KPNA7: variants seen among roughly 807,000 people sequenced by gnomAD.
KPNA7 encodes karyopherin subunit alpha 7.
Under a neutral mutation model 53.7 loss-of-function variants are expected in KPNA7, and 54 were observed. That is an observed-to-expected ratio of 1.01 (90% CI 0.81 to 1.26). KPNA7 has a LOEUF of 1.26. KPNA7 is among the 50% of genes most tolerant of loss of function. KPNA7 has a pLI of 0.00. For missense variants in KPNA7, 640 were observed against 644.5 expected (o/e 0.99, Z 0.07); for synonymous variants, 276 against 259.3 (o/e 1.06, Z -0.62).
chr7:99,163,303 A>G, the KPNA7 span, among the ~76,000 whole-genome samples: 1 of 145,758 alleles, frequency 6.9e-6, no homozygotes. Flanking sequence ...TTAAATTTGT[A>G]ATATATTTAT....
chr7:99,146,243 G>A, the KPNA7 span, among the ~76,000 whole-genome samples: 2 of 151,946 alleles, frequency 1.3e-5, no homozygotes, highest in African/African-American at 2.4e-5. Flanking sequence ...TTTTCTCCCC[G>A]CCCCGACGGC....
At chr7:99,182,632 C>T (rs1303034799) in intron 8 of KPNA7, among the ~76,000 whole-genome samples, 1 of 152,128 alleles carries the variant, frequency 6.6e-6, no homozygotes, top group African/African-American at 2.4e-5. Flanking sequence ...CCCTGCCCGG[C>T]TCCTGCCTCT....
chr7:99,167,993 A>C, the KPNA7 span, among the ~76,000 whole-genome samples: 4,399 of 127,102 alleles, frequency 0.035, no homozygotes, highest in Non-Finnish European at 0.041. Flanking sequence ...CCCCACCCCC[A>C]CACCCCTCTA....
At chr7:99,197,053 A>C (rs1002886141) in intron 3 of KPNA7, among the ~76,000 whole-genome samples, 12 of 149,014 alleles carry the variant, frequency 8.1e-5, no homozygotes, top group African/African-American at 2.5e-4. Flanking sequence ...ACAACAACAA[A>C]ACTAAGACCC....
At chr7:99,149,955 T>C in the KPNA7 span, among the ~76,000 whole-genome samples, 1 of 151,978 alleles carries the variant, frequency 6.6e-6, no homozygotes, top group Non-Finnish European at 1.5e-5. Flanking sequence ...CGTGCCACCA[T>C]GCCCGGCTAA....
the KPNA7 span, among the ~76,000 whole-genome samples, chr7:99,148,719 GTACCTGGGAC>G: frequency 6.6e-6 from 1 of 152,000 alleles, no homozygotes; most frequent in African/African-American, 2.4e-5. Context: ...AGTCTCCCAA[GTACCTGGGAC>G]TACAGGCATG....
intron 6 of KPNA7, among the ~76,000 whole-genome samples, chr7:99,192,810 C>T (rs570091654): frequency 2.8e-4 from 42 of 152,070 alleles, no homozygotes; most frequent in Middle Eastern, 3.4e-3. Flanking sequence ...GAATTTGTTA[C>T]CTAACGAGGT....
the KPNA7 span, among the ~76,000 whole-genome samples, chr7:99,158,095 C>T: frequency 5.3e-5 from 8 of 152,114 alleles, no homozygotes; most frequent in East Asian, 3.9e-4. Flanking sequence ...ATGTTGCCCA[C>T]GCTGGTCTGG....
intron 2 of KPNA7, among the ~76,000 whole-genome samples, chr7:99,204,448 T>C (rs1790695176): frequency 6.6e-6 from 1 of 152,172 alleles, no homozygotes; most frequent in Non-Finnish European, 1.5e-5. Context: ...CTTTATAGTA[T>C]TAAGAATCCT....
chr7:99,154,554 G>A, the KPNA7 span, among the ~76,000 whole-genome samples: 2 of 150,342 alleles, frequency 1.3e-5, no homozygotes, highest in Non-Finnish European at 3.0e-5. Flanking sequence ...TCTCAAGACG[G>A]AGTCTCGCTC....
At chr7:99,181,826 T>C in intron 9 of KPNA7, 57 bp downstream of exon 9, 1 of 1,374,074 alleles carries the variant, frequency 7.3e-7, no homozygotes, top group Non-Finnish European at 9.7e-7. Context: ...CCACATTAAA[T>C]GCTTGTATCC....
At chr7:99,198,041 C>G (rs529819505) in intron 3 of KPNA7, among the ~76,000 whole-genome samples, 37 of 151,972 alleles carry the variant, frequency 2.4e-4, no homozygotes, top group Admixed American at 2.4e-3. Context: ...CTGTTGAAAG[C>G]CAAAACTACA....
rs1790641877 is a variant in KPNA7 at position 99,203,239 on chromosome 7, A to G, written c.68T>C (p.Leu23Pro). ...GACCGCCATCCTCTGCTGTCGCCTC[A>G]GCTAGTGAGGAAAAGAAATTGGAGC... The part of the protein sequence containing the change: ...KFKYRGKDVS[L>P]RRQQRMAVSL... The change falls in exon 3 of 11, where the codon CTG (leucine) becomes CCG (proline). Residue 23 changes from leucine (L) to proline (P), a missense_variant and splice_region_variant. Transcript: ENST00000327442. 9 of 1,550,130 alleles carry G rather than the reference A, an allele frequency of 5.8e-6. No homozygotes were observed. The highest frequency in any genetic ancestry group is 7.9e-6 in the Non-Finnish European group (9 of 1,145,646).
At chr7:99,182,977 C>T (rs1049277213) in intron 8 of KPNA7, among the ~76,000 whole-genome samples, 5 of 151,996 alleles carry the variant, frequency 3.3e-5, no homozygotes, top group African/African-American at 9.7e-5. Context: ...TCGTTCAGGT[C>T]GGGCACGGTG....
At chr7:99,185,616 CCA>C (rs1789540740) in intron 7 of KPNA7, among the ~76,000 whole-genome samples, 1 of 152,108 alleles carries the variant, frequency 6.6e-6, no homozygotes, top group African/African-American at 2.4e-5. Flanking sequence ...CAATCATGAG[CCA>C]CTGTGCCTGG....
the KPNA7 span, among the ~76,000 whole-genome samples, chr7:99,164,504 G>A: frequency 6.6e-6 from 1 of 152,100 alleles, no homozygotes; most frequent in South Asian, 2.1e-4. Context: ...AGGGGTAGGG[G>A]GAGGGATAGC....
chr7:99,160,290 T>C, the KPNA7 span, among the ~76,000 whole-genome samples: 3 of 152,134 alleles, frequency 2.0e-5, no homozygotes, highest in Non-Finnish European at 2.9e-5. Flanking sequence ...CCTCCCAAAG[T>C]GCTGGGATTA....
At chr7:99,207,250 G>A (rs1790860829) in intron 2 of KPNA7, 151 bp downstream of exon 2, 5 of 662,280 alleles carry the variant, frequency 7.5e-6, no homozygotes, top group African/African-American at 3.6e-5. Flanking sequence ...GGCCAGGATC[G>A]TCTTAACCTC....
intron 1 of KPNA7, among the ~76,000 whole-genome samples, chr7:99,216,601 G>A (rs989038758): frequency 7.9e-5 from 12 of 151,716 alleles, no homozygotes; most frequent in African/African-American, 2.2e-4. Flanking sequence ...TGGCTCTGTC[G>A]CCCAGGCTAG....
Sources: allele counts gnomAD v4.1 joint callset (sites outside exome capture counted in the v4.1 genomes callset), GRCh38; gene constraint gnomAD v4.1.1; transcripts MANE v1.5; gene names NCBI Gene and HGNC (gene_info 2026-07-23, HGNC 2026-07-21).